Variants in KLHL6 observed in about 807,000 individuals in gnomAD.
The protein encoded by KLHL6 is kelch like family member 6.
Under a neutral mutation model 58.6 loss-of-function variants are expected in KLHL6, and 41 were observed. The observed-to-expected ratio is 0.70, with a 90% CI of 0.55 to 0.91. The LOEUF (loss-of-function observed/expected upper bound fraction) is 0.91, where lower values mean the gene tolerates loss of function less well. Among genes scored for constraint, KLHL6 ranks in the 40% least tolerant of loss-of-function variants. The pLI is 0.00. For synonymous variants in KLHL6, 338 were observed against 322.7 expected, an observed-to-expected ratio of 1.05 and a Z score of -0.51; for missense variants, 714 against 805.6, an observed-to-expected ratio of 0.89 and a Z score of 1.38.
chr3:183,511,331 G>T (rs1020656359), intron 2 of KLHL6, among the ~76,000 whole-genome samples: 1 of 152,192 alleles, frequency 6.6e-6, no homozygotes. Context: ...AACATGTCTC[G>T]CCTCCCGCCA....
rs1183240751 is a variant in KLHL6, at chr3:183,499,485, A to G, written c.1147+105T>C. On this transcript the variant is annotated intron_variant, in intron 4 of 6. Transcript: ENST00000341319. The surrounding 1 kb of genome is among the most constrained non-coding windows in gnomAD (Gnocchi z 4.6). Reference sequence around the variant, plus strand: ...ATCCTGTCTCAGTCAGAGCCGGATCATTGCCAATTCACAGTAATTCTTCTA... The same window carrying G: ...ATCCTGTCTCAGTCAGAGCCGGATCGTTGCCAATTCACAGTAATTCTTCTA... 2.4e-5 allele frequency: 18 copies of G among 741,640 alleles called. No homozygotes were observed. In the East Asian group the frequency reaches 4.5e-4, roughly 18 times the overall value. The allele number at this position is 741,640 out of a possible 1,614,324, so 45.9% of individuals were successfully genotyped here. A position where few individuals can be genotyped will look rare whatever the true frequency, so the allele number is the denominator to read the frequency against.
intron 2 of KLHL6, among the ~76,000 whole-genome samples, chr3:183,523,567 AG>A (rs1405003458): frequency 3.3e-5 from 5 of 152,212 alleles, no homozygotes. Flanking sequence ...TATGTACCGT[AG>A]GGATCCTTAC....
intron 1 of KLHL6, among the ~76,000 whole-genome samples, chr3:183,552,546 G>A (rs189829483): frequency 0.01 from 1,587 of 151,636 alleles, 26 homozygotes; most frequent in African/African-American, 0.036. Flanking sequence ...GTGAAACCCC[G>A]TCTCTACTAA....
chr3:183,501,653 C>G (rs188621971), intron 3 of KLHL6, among the ~76,000 whole-genome samples: 2 of 152,178 alleles, frequency 1.3e-5, no homozygotes, highest in African/African-American at 4.8e-5. Flanking sequence ...TCCTGACCTA[C>G]GAAAGGCTCT....
At chr3:183,497,395 G>C (rs1717743997) in intron 4 of KLHL6, among the ~76,000 whole-genome samples, 1 of 152,192 alleles carries the variant, frequency 6.6e-6, no homozygotes, top group Admixed American at 6.5e-5. Flanking sequence ...CTGGACAACA[G>C]AGTGAGACTC....
chr3:183,508,271 C>T lies in KLHL6; in HGVS notation c.697G>A (p.Ala233Thr). ...KSDDLYVTEE[A>T]QVFETVMSWV... is the part of the protein sequence containing the mutation. ...CTCATCACGGTCTCAAACACCTGAG[C>T]CTCCTCGGTCACGTAAAGGTCATCA... Residue 233 changes from alanine to threonine, a missense_variant, in exon 3 of 7, where the codon GCT becomes ACT. Ala to Thr is a moderately conservative substitution (Grantham distance 58, BLOSUM62 0). Around this residue, in one of 2 missense-constraint regions of KLHL6, gnomAD observed 510 missense variants for 629.7 expected, o/e 0.81. Coordinates refer to ENST00000341319, the MANE Select transcript of KLHL6 (RefSeq NM_130446.4). The T allele has an allele frequency of 1.2e-6, 2 of 1,614,230 alleles. No individual in the cohort carries two copies. The highest frequency in any genetic ancestry group is 2.7e-5 in the African/African-American group (2 of 75,062).
rs185719749 is a variant in KLHL6 at position 183,545,619 on chromosome 3, G to T, written c.293+9742C>A. Among the ~76,000 whole-genome samples, 904 of 152,296 alleles carry T rather than the reference G, an allele frequency of 5.9e-3. 11 individuals carry two copies. The highest frequency in any genetic ancestry group is 0.019 in the African/African-American group (788 of 41,556). On this transcript the variant is annotated intron_variant, in intron 1 of 6. Coordinates refer to ENST00000341319, the MANE Select transcript of KLHL6 (RefSeq NM_130446.4). Reference sequence around the variant, plus strand: ...AGACATCATGGGTAGGGGTGACAGAGATGACACTTCCTTGAAAAATCAAAG... The same window carrying T: ...AGACATCATGGGTAGGGGTGACAGATATGACACTTCCTTGAAAAATCAAAG...
chr3:183,493,784 A>G, intron 5 of KLHL6: 1 of 412,564 alleles, frequency 2.4e-6, no homozygotes, highest in South Asian at 2.7e-5. Context: ...GCAGACCAAG[A>G]GATCTCCCAT....
intron 1 of KLHL6, among the ~76,000 whole-genome samples, chr3:183,537,746 A>T (rs1053133782): frequency 5.3e-5 from 8 of 151,998 alleles, no homozygotes; most frequent in African/African-American, 1.9e-4. Context: ...TCTGCCAAAC[A>T]TCGCCTTCTC....
At chr3:183,535,682 A>C (rs191022152) in intron 1 of KLHL6, among the ~76,000 whole-genome samples, 229 of 152,310 alleles carry the variant, frequency 1.5e-3, no homozygotes, top group African/African-American at 5.3e-3. Context: ...CACTCCAAGG[A>C]GCTCCTAAAT....
rs765566288 is a variant in KLHL6 at position 183,492,721 on chromosome 3, G to A, written c.1351-14C>T. On this transcript the variant is annotated splice_polypyrimidine_tract_variant and intron_variant, in intron 5 of 6. Coordinates refer to ENST00000341319, the MANE Select transcript of KLHL6 (RefSeq NM_130446.4). This position sits in a 1 kb window ranked among gnomAD's most constrained non-coding sequence, Gnocchi z 5.9. ...GAGGGGTGCGGCCTGTAGAGGCACA[G>A]GGCACAAGAAGAAGCTGTCAGTCAT... 6 of 1,611,636 alleles carry A rather than the reference G, an allele frequency of 3.7e-6. No individual in the cohort carries two copies. The highest frequency in any genetic ancestry group is 5.1e-6 in the Non-Finnish European group (6 of 1,179,416).
intron 2 of KLHL6, 116 bp downstream of exon 2, chr3:183,527,729 T>C (rs955116881): frequency 5.1e-5 from 40 of 784,096 alleles, no homozygotes; most frequent in East Asian, 1.3e-4. Context: ...TGTGCGTGTG[T>C]GTGTGTGTGT....
Position 183,555,343 on chromosome 3 carries a change from G to A in KLHL6, c.293+18C>T. ...TGCAACTTGCACCCAATTTGACTCTGGTCCTAGGCATGCTGACCTGAAATA... is the reference window on the plus strand; with the variant it reads ...TGCAACTTGCACCCAATTTGACTCTAGTCCTAGGCATGCTGACCTGAAATA... On this transcript the variant is annotated intron_variant, in intron 1 of 6. Coordinates refer to ENST00000341319, the MANE Select transcript of KLHL6 (RefSeq NM_130446.4). 1 of 1,610,574 alleles carries A rather than the reference G, an allele frequency of 6.2e-7. No homozygotes were observed. The highest frequency in any genetic ancestry group is 8.5e-7 in the Non-Finnish European group (1 of 1,177,678).
chr3:183,538,693 T>C (rs1447692791), intron 1 of KLHL6, among the ~76,000 whole-genome samples: 2 of 152,200 alleles, frequency 1.3e-5, no homozygotes, highest in South Asian at 2.1e-4. Flanking sequence ...AGTCAGCAGA[T>C]GCAAGTGTGA....
At chr3:183,505,697 G>A (rs1717982023) in intron 3 of KLHL6, among the ~76,000 whole-genome samples, 1 of 149,398 alleles carries the variant, frequency 6.7e-6, no homozygotes, top group Admixed American at 6.7e-5. Flanking sequence ...TCTGGAATGA[G>A]AGATGTGACA....
At chr3:183,555,315 C>T (rs1310744425) in intron 1 of KLHL6, 46 bp downstream of exon 1, 5 of 1,568,672 alleles carry the variant, frequency 3.2e-6, no homozygotes, top group Non-Finnish European at 3.5e-6. Flanking sequence ...CACACCTCTT[C>T]CTTGCAACTT....
chr3:183,534,411 G>GTTTT (rs1475340803), intron 1 of KLHL6, among the ~76,000 whole-genome samples: 1 of 152,006 alleles, frequency 6.6e-6, no homozygotes, highest in East Asian at 1.9e-4. Context: ...TTGTTTGTTT[G>GTTTT]TTTGTTTTTT....
rs776723902 is a variant in KLHL6, at chr3:183,550,348, A to G, written c.293+5013T>C. Among the ~76,000 whole-genome samples, 262 of 152,344 alleles carry G rather than the reference A, an allele frequency of 1.7e-3. 6 individuals carry two copies. The highest frequency in any genetic ancestry group is 6.9e-4 in the Non-Finnish European group (47 of 68,042). On this transcript the variant is annotated intron_variant, in intron 1 of 6. Coordinates refer to ENST00000341319, the MANE Select transcript of KLHL6 (RefSeq NM_130446.4). Reference sequence around the variant, plus strand: ...CAGGCAGTAATATGAGGAAATGTTCAGGATTAAAGGATGTGACTCTCCAGA... The same window carrying G: ...CAGGCAGTAATATGAGGAAATGTTCGGGATTAAAGGATGTGACTCTCCAGA...
intron 2 of KLHL6, chr3:183,522,802 T>G (rs1711814350): frequency 6.6e-6 from 1 of 152,268 alleles, no homozygotes; most frequent in Non-Finnish European, 1.5e-5. Context: ...GGCAGTTTTT[T>G]GTTTGTTTGT....
Sources: allele counts gnomAD v4.1 joint callset (sites outside exome capture counted in the v4.1 genomes callset), GRCh38; gene constraint gnomAD v4.1.1; regional missense constraint gnomAD v4.1.1; non-coding constraint Gnocchi (gnomAD v3.1); transcripts MANE v1.5; gene names NCBI Gene and HGNC (gene_info 2026-07-23, HGNC 2026-07-21).